NPSR1: variants seen among roughly 807,000 people sequenced by gnomAD.
NPSR1 encodes the protein neuropeptide S receptor 1.
Under a neutral mutation model 46.9 loss-of-function variants are expected in NPSR1, and 48 were observed. The ratio of observed to expected loss-of-function variants is 1.02; its 90% CI spans 0.81 to 1.30. The LOEUF (loss-of-function observed/expected upper bound fraction) is 1.30. Among genes scored for constraint, NPSR1 ranks in the 50% most tolerant of loss-of-function variants. The pLI is 0.00. For synonymous variants in NPSR1, 176 were observed against 168.1 expected, an observed-to-expected ratio of 1.05 and a Z score of -0.36; for missense variants, 450 against 449.5, an observed-to-expected ratio of 1.00 and a Z score of -0.01.
chr7:34,799,704 T>C (rs1203557689), intron 3 of NPSR1, among the ~76,000 whole-genome samples: 4 of 138,904 alleles, frequency 2.9e-5, no homozygotes, highest in African/African-American at 8.2e-5. Flanking sequence ...AGGATCAAAT[T>C]TACACATAAC....
chr7:34,729,549 A>T (rs1217925566), intron 2 of NPSR1, among the ~76,000 whole-genome samples: 1 of 152,216 alleles, frequency 6.6e-6, no homozygotes, highest in African/African-American at 2.4e-5. Context: ...AAATGAAATT[A>T]TCAATTTGGA....
intron 1 of NPSR1, among the ~76,000 whole-genome samples, chr7:34,683,234 G>C (rs910074340): frequency 6.6e-6 from 1 of 152,056 alleles, no homozygotes; most frequent in Non-Finnish European, 1.5e-5. Flanking sequence ...ACTAGGTCAG[G>C]AGATTGAGAC....
Position 34,746,995 on chromosome 7 carries a change from C to T in NPSR1, c.281-31467C>T, listed in dbSNP as rs182355485. ...CAAAAATTAGCTGTGCATGGTGGAA[C>T]GCACCTGCAGTCCTAGCTACTCAGG... On this transcript the variant is annotated intron_variant, in intron 2 of 8. Transcript: ENST00000360581. 7.2e-4 allele frequency among the ~76,000 whole-genome samples: 110 copies of T among 152,026 alleles called. 2 individuals carry two copies. The South Asian group carries it at 0.018, about 24-fold the overall frequency.
At chr7:34,852,772 A>G (rs1274686811), downstream of NPSR1, among the ~76,000 whole-genome samples, 2 of 152,172 alleles carry the variant, frequency 1.3e-5, no homozygotes, top group East Asian at 3.9e-4. Flanking sequence ...TACCTAAAAT[A>G]AAGGTGCTTA....
At chr7:34,746,720 T>C (rs982951054) in intron 2 of NPSR1, among the ~76,000 whole-genome samples, 1 of 152,166 alleles carries the variant, frequency 6.6e-6, no homozygotes, top group African/African-American at 2.4e-5. Flanking sequence ...AGCCTATTTC[T>C]TGGTCTTGAG....
chr7:34,781,395 T>A (rs922903066), intron 3 of NPSR1, among the ~76,000 whole-genome samples: 1 of 151,986 alleles, frequency 6.6e-6, no homozygotes, highest in African/African-American at 2.4e-5. Context: ...CATTAAAGAA[T>A]TTGCAGCAAC....
In NPSR1 at chr7:34,849,747, CT is replaced by C. The variant is rs1790880229; in HGVS notation, c.*94del. On this transcript the variant is annotated 3_prime_UTR_variant, in exon 9 of 9. Transcript: ENST00000360581. ...GGCACGTGCATGGAACCCGAGCCAA[CT>C]TCACCCCACCCTCGTCATTACCTGG... The C allele has an allele frequency of 9.5e-6, 15 of 1,575,036 alleles. No individual in the cohort carries two copies. The highest frequency in any genetic ancestry group is 1.3e-5 in the Non-Finnish European group (15 of 1,161,182).
At chr7:34,696,992 T>C (rs1401250044) in intron 2 of NPSR1, among the ~76,000 whole-genome samples, 1 of 152,030 alleles carries the variant, frequency 6.6e-6, no homozygotes, top group African/African-American at 2.4e-5. Context: ...TAAGGATACA[T>C]ACCAAAATGT....
At chr7:34,795,510 A>G (rs1788133763) in intron 3 of NPSR1, among the ~76,000 whole-genome samples, 1 of 152,146 alleles carries the variant, frequency 6.6e-6, no homozygotes, top group Admixed American at 6.6e-5. Context: ...CAGACAATCT[A>G]AAATAATTAA....
chr7:34,854,617 A>C (rs1791011953), downstream of NPSR1, among the ~76,000 whole-genome samples: 1 of 152,236 alleles, frequency 6.6e-6, no homozygotes, highest in Non-Finnish European at 1.5e-5. Context: ...ATGAAGTAAT[A>C]ATTCTAAATT....
intron 3 of NPSR1, among the ~76,000 whole-genome samples, chr7:34,783,077 A>G (rs1261127323): frequency 6.6e-6 from 1 of 152,162 alleles, no homozygotes; most frequent in East Asian, 1.9e-4. Context: ...AAAATATACA[A>G]CTAAAGAAAA....
At chr7:34,781,134 T>A (rs1477570235) in intron 3 of NPSR1, among the ~76,000 whole-genome samples, 2 of 152,116 alleles carry the variant, frequency 1.3e-5, no homozygotes, top group East Asian at 3.9e-4. Flanking sequence ...ATCTTGAGGC[T>A]TTGTGCAAGC....
intron 2 of NPSR1, among the ~76,000 whole-genome samples, chr7:34,698,952 A>C (rs1342773372): frequency 6.6e-6 from 1 of 152,224 alleles, no homozygotes; most frequent in African/African-American, 2.4e-5. Flanking sequence ...AATGATGGAA[A>C]GTGTAACCCA....
chr7:34,667,825 A>T (rs1162702079), intron 1 of NPSR1, among the ~76,000 whole-genome samples: 1 of 151,884 alleles, frequency 6.6e-6, no homozygotes, highest in African/African-American at 2.4e-5. Flanking sequence ...TCAGTTTTTA[A>T]AAAACAGTTC....
rs1328905004 is a variant in NPSR1 at position 34,735,906 on chromosome 7, TA to T, written c.281-42549del. On this transcript the variant is annotated intron_variant, in intron 2 of 8. Transcript: ENST00000360581. ...TATTGACAATAAAATTGTAATAGTATAAAAAAATCTCAACATGAATAAAAAG... is the reference window on the plus strand; with the variant it reads ...TATTGACAATAAAATTGTAATAGTATAAAAAATCTCAACATGAATAAAAAG... 1.3e-5 allele frequency among the ~76,000 whole-genome samples: 2 copies of T among 152,198 alleles called. 1 individual carries two copies. The highest frequency in any genetic ancestry group is 4.1e-4 in the South Asian group (2 of 4,830).
rs181474499 is a variant in NPSR1 at position 34,871,070 on chromosome 7, T to A, written c.1026-7006T>A. Reference sequence around the variant, plus strand: ...ATTCTTGCATTGATATAAACAAGTATCTGGGTCTGGGTAACTTACAGATAA... The same window carrying A: ...ATTCTTGCATTGATATAAACAAGTAACTGGGTCTGGGTAACTTACAGATAA... On this transcript the variant is annotated intron_variant, in intron 8 of 8. Transcript: ENST00000359791. 1.9e-4 allele frequency among the ~76,000 whole-genome samples: 29 copies of A among 151,922 alleles called. 2 individuals are homozygous for A. The highest frequency in any genetic ancestry group is 6.3e-4 in the African/African-American group (26 of 41,188).
intron 2 of NPSR1, among the ~76,000 whole-genome samples, chr7:34,712,919 C>A (rs1783372901): frequency 6.6e-6 from 1 of 152,182 alleles, no homozygotes; most frequent in Non-Finnish European, 1.5e-5. Flanking sequence ...TATATTAATT[C>A]TCTCACTGGA....
intron 6 of NPSR1, among the ~76,000 whole-genome samples, chr7:34,840,518 G>A (rs1790523559): frequency 6.6e-6 from 1 of 152,296 alleles, no homozygotes; most frequent in South Asian, 2.1e-4. Context: ...AGAAGAACTT[G>A]GAGAGCAGGT....
At chr7:34,843,223 AAG>A (rs1790631272) in intron 6 of NPSR1, among the ~76,000 whole-genome samples, 1 of 152,222 alleles carries the variant, frequency 6.6e-6, no homozygotes, top group Admixed American at 6.5e-5. Flanking sequence ...TTTTTAAAAA[AAG>A]AGATTTATTT....
Sources: gnomAD v4.1 joint callset for allele counts (sites outside exome capture counted in the v4.1 genomes callset) on GRCh38, gnomAD v4.1.1 for gene constraint, MANE v1.5 for transcripts, NCBI Gene and HGNC (gene_info 2026-07-23, HGNC 2026-07-21) for gene names.